Variants in FAM193B observed in about 807,000 individuals in gnomAD.
The protein encoded by FAM193B is family with sequence similarity 193 member B.
A neutral mutation model predicts 70.7 loss-of-function variants in FAM193B; 27 were observed. The ratio of observed to expected loss-of-function variants is 0.38; its 90% CI spans 0.28 to 0.53. The LOEUF (loss-of-function observed/expected upper bound fraction) is 0.53, where lower values mean the gene tolerates loss of function less well. Among genes scored for constraint, FAM193B ranks in the 20% least tolerant of loss-of-function variants. The probability of loss-of-function intolerance (pLI) is 0.81; values close to 1 mark genes in which losing one functional copy is unlikely to be tolerated. For missense variants in FAM193B, 1,022 were observed against 1,072.5 expected, an observed-to-expected ratio of 0.95 and a Z score of 0.66; for synonymous variants, 448 against 436.0, an observed-to-expected ratio of 1.03 and a Z score of -0.34.
chr5:177,553,096 G>T, intron 1 of FAM193B: 1 of 834,496 alleles, frequency 1.2e-6, no homozygotes, highest in Non-Finnish European at 1.4e-6. Flanking sequence ...GGCACAGAGA[G>T]GGCACCTGAC....
chr5:177,538,003 G>A lies in FAM193B; in HGVS notation c.558C>T (p.Cys186=). ...SSSSSSSSSS[C]PGNSGDWDPS... ...GATCCCAGTCTCCCGAGTTCCCAGG[G>A]CAGGAAGAGGAGGACGAGGATGAGG... is the stretch of plus-strand genomic sequence containing the variant. Residue 186 remains cysteine, a synonymous_variant, in exon 3 of 9, where the codon TGC becomes TGT. Coordinates refer to ENST00000514747, the MANE Select transcript of FAM193B (RefSeq NM_001190946.3). This position sits in a 1 kb window ranked among gnomAD's most constrained non-coding sequence, Gnocchi z 4.1. The A allele has an allele frequency of 1.9e-6, 3 of 1,558,068 alleles. No homozygotes were observed. Among genetic ancestry groups the A allele is most frequent in the Non-Finnish European group, 2.6e-6 (3 of 1,150,544 alleles).
intron 1 of FAM193B, 127 bp downstream of exon 1, chr5:177,554,122 G>C: frequency 7.1e-7 from 1 of 1,408,092 alleles, no homozygotes; most frequent in Non-Finnish European, 9.3e-7. Flanking sequence ...CTTCGGCGCC[G>C]GACCCGGGGG....
intron 1 of FAM193B, chr5:177,553,910 G>C: frequency 8.2e-7 from 1 of 1,219,782 alleles, no homozygotes; most frequent in Non-Finnish European, 1.0e-6. Context: ...GGTGGGCCCG[G>C]GGGAGGTGGC....
In FAM193B at chr5:177,524,482, G is replaced by A; in HGVS notation, c.1999C>T (p.Gln667Ter). ...ASLEVPSAKG[Q>*]VAGPKQPGRV... Reference sequence around the variant, plus strand: ...CCTGGCTGCTTGGGGCCAGCGACCTGGCCCTTGGCACTGGGAACCTCTAGG... The same window carrying A: ...CCTGGCTGCTTGGGGCCAGCGACCTAGCCCTTGGCACTGGGAACCTCTAGG... The change falls in exon 6 of 9, where the codon CAG becomes TAG. Residue 667 changes from glutamine to a stop codon, truncating the protein, a stop_gained. Coordinates refer to ENST00000514747, the MANE Select transcript of FAM193B (RefSeq NM_001190946.3). LOFTEE classifies it high-confidence loss of function. 1 of 1,612,810 alleles carries A rather than the reference G, an allele frequency of 6.2e-7. No homozygotes were observed. Among genetic ancestry groups the A allele is most frequent in the Non-Finnish European group, 8.5e-7 (1 of 1,179,648 alleles).
chr5:177,525,513 G>A (rs1762450134), intron 5 of FAM193B: 1 of 277,376 alleles, frequency 3.6e-6, no homozygotes, highest in East Asian at 6.2e-5. Flanking sequence ...CCAAAGTGGG[G>A]ATGCATGTGA....
chr5:177,545,100 G>T (rs565806952), intron 1 of FAM193B, among the ~76,000 whole-genome samples: 2 of 152,230 alleles, frequency 1.3e-5, no homozygotes, highest in East Asian at 1.9e-4. Flanking sequence ...CTGGAGTGCA[G>T]TGGCATGATC....
rs187020678 is a variant in FAM193B, at chr5:177,527,240, T to C, written c.1276-2035A>G. ...GAGGTATAGCTGTAGCCCAGATTTT[T>C]TGGGGGATGTGGGGGTTGGGTGGGG... is the stretch of plus-strand genomic sequence containing the variant. On this transcript the variant is annotated intron_variant, in intron 5 of 8. Coordinates refer to ENST00000514747, the MANE Select transcript of FAM193B (RefSeq NM_001190946.3). Among the ~76,000 whole-genome samples the C allele has an allele frequency of 7.2e-5, 11 of 152,210 alleles. No homozygotes were observed. In the East Asian group the frequency reaches 1.7e-3, roughly 24 times the overall value.
chr5:177,527,245 G>A (rs1157981705), intron 5 of FAM193B, among the ~76,000 whole-genome samples: 3 of 152,214 alleles, frequency 2.0e-5, no homozygotes, highest in African/African-American at 2.4e-5. Flanking sequence ...ATTTTTTGGG[G>A]GATGTGGGGG....
intron 1 of FAM193B, among the ~76,000 whole-genome samples, chr5:177,550,791 T>C (rs1297979226): frequency 6.6e-6 from 1 of 152,222 alleles, no homozygotes; most frequent in East Asian, 1.9e-4. Flanking sequence ...GGCGCTTCTA[T>C]GTACTAGCTG....
intron 1 of FAM193B, chr5:177,553,631 C>T (rs556541656): frequency 8.0e-7 from 1 of 1,250,218 alleles, no homozygotes; most frequent in South Asian, 1.3e-5. Flanking sequence ...GGTGGGCTGC[C>T]TTGCGGAGCA....
At chr5:177,533,963 G>A (rs1341744465) in intron 4 of FAM193B, among the ~76,000 whole-genome samples, 2 of 152,246 alleles carry the variant, frequency 1.3e-5, no homozygotes, top group Non-Finnish European at 2.9e-5. Context: ...GGGTAAGAAT[G>A]AGACATACGC....
chr5:177,549,866 CTTATT>C (rs1198522665), intron 1 of FAM193B, among the ~76,000 whole-genome samples: 1 of 41,592 alleles, frequency 2.4e-5, no homozygotes, highest in Non-Finnish European at 1.4e-4. Context: ...AGAATCCTTA[CTTATT>C]ATAATTTTTA....
chr5:177,548,276 G>C (rs1765739346), intron 1 of FAM193B, among the ~76,000 whole-genome samples: 1 of 152,196 alleles, frequency 6.6e-6, no homozygotes, highest in Non-Finnish European at 1.5e-5. Flanking sequence ...AATACTGTGA[G>C]CTTTTCAAGG....
intron 1 of FAM193B, chr5:177,553,296 A>T: frequency 1.0e-6 from 1 of 988,916 alleles, no homozygotes; most frequent in Non-Finnish European, 1.2e-6. Context: ...GCCACGCCTC[A>T]TCCTCATCCG....
At chr5:177,550,003 C>T (rs975376432) in intron 1 of FAM193B, among the ~76,000 whole-genome samples, 2 of 152,136 alleles carry the variant, frequency 1.3e-5, no homozygotes, top group African/African-American at 4.8e-5. Flanking sequence ...GATCATCCAT[C>T]TGATATCAAA....
In FAM193B at chr5:177,536,694, G is replaced by T. The variant is rs1394919242; in HGVS notation, c.740C>A (p.Pro247His). Reference protein sequence around the residue: ...EHHQHSDLTAPPNSPTGHHPQ... With the variant: ...EHHQHSDLTAHPNSPTGHHPQ... The stretch of plus-strand genomic sequence containing the variant: ...GTGGTGGCCGGTGGGGCTGTTAGGG[G>T]GAGCAGTGAGGTCTGAGTGCTGGTG... The change falls in exon 4 of 9, where the codon CCC (proline) becomes CAC (histidine). Residue 247 changes from proline to histidine, a missense_variant. Coordinates refer to ENST00000514747, the MANE Select transcript of FAM193B (RefSeq NM_001190946.3). The T allele has an allele frequency of 5.8e-6, 9 of 1,558,008 alleles. No individual in the cohort carries two copies. The highest frequency in any genetic ancestry group is 6.9e-6 in the Non-Finnish European group (8 of 1,154,500).
At chr5:177,526,698 A>G (rs1282906463) in intron 5 of FAM193B, among the ~76,000 whole-genome samples, 2 of 152,292 alleles carry the variant, frequency 1.3e-5, no homozygotes, top group South Asian at 2.1e-4. Context: ...TTGCTGCATC[A>G]TGACCCTCTG....
chr5:177,545,651 C>T (rs1765332022), intron 1 of FAM193B, among the ~76,000 whole-genome samples: 1 of 108,196 alleles, frequency 9.2e-6, no homozygotes, highest in African/African-American at 4.0e-5. Context: ...ACAGTGAGAG[C>T]CTGTCTCAAA....
intron 1 of FAM193B, among the ~76,000 whole-genome samples, chr5:177,549,499 G>A (rs1366875096): frequency 6.6e-6 from 1 of 152,132 alleles, no homozygotes; most frequent in Non-Finnish European, 1.5e-5. Context: ...AGCCTGGATT[G>A]TCATTTTATA....
Sources: gnomAD v4.1 joint callset for allele counts (sites outside exome capture counted in the v4.1 genomes callset) on GRCh38, gnomAD v4.1.1 for gene constraint, Gnocchi (gnomAD v3.1) non-coding constraint, MANE v1.5 for transcripts, NCBI Gene and HGNC (gene_info 2026-07-23, HGNC 2026-07-21) for gene names.